The following RFX3 variants were observed in gnomAD, a reference collection of about 807,000 sequenced individuals.
RFX3 encodes regulatory factor X3, also known as transcription factor RFX3.
A neutral mutation model predicts 98.6 loss-of-function variants in RFX3; 14 were observed. The ratio of observed to expected loss-of-function variants is 0.14; its 90% confidence interval spans 0.09 to 0.22. The LOEUF (loss-of-function observed/expected upper bound fraction) is 0.22. Among genes scored for constraint, RFX3 ranks in the 10% least tolerant of loss-of-function variants. RFX3 has a pLI of 1.00. For synonymous variants in RFX3, 383 were observed against 328.4 expected (o/e 1.17, Z -1.80); for missense variants, 639 against 926.9 (o/e 0.69, Z 4.03).
chr9:3,293,352 A>T, intron 5 of RFX3, 94 bp from the exon 6 acceptor site: 1 of 882,418 alleles, frequency 1.1e-6, no homozygotes, highest in South Asian at 2.0e-5. Flanking sequence ...AAATACTTAG[A>T]AGTTCTTCAT....
chr9:3,517,364 G>C (rs1818284328), intron 1 of RFX3, among the ~76,000 whole-genome samples: 1 of 152,090 alleles, frequency 6.6e-6, no homozygotes, highest in African/African-American at 2.4e-5. Context: ...TCTTGGCCTG[G>C]TCACTCGCTG....
At chr9:3,396,143 C>A (rs532216708) in intron 1 of RFX3, among the ~76,000 whole-genome samples, 28 of 151,944 alleles carry the variant, frequency 1.8e-4, no homozygotes, top group African/African-American at 6.0e-4. Context: ...TACCCATTAA[C>A]TCGTCATTTA....
intron 9 of RFX3, 99 bp from the exon 10 acceptor site, chr9:3,271,217 C>G (rs1824386784): frequency 2.1e-6 from 2 of 963,522 alleles, no homozygotes; most frequent in African/African-American, 3.3e-5. Flanking sequence ...TCAAGTTCTC[C>G]CTTGGGGTCA....
At chr9:3,339,935 A>G (rs1833673090) in intron 3 of RFX3, among the ~76,000 whole-genome samples, 1 of 152,010 alleles carries the variant, frequency 6.6e-6, no homozygotes, top group Non-Finnish European at 1.5e-5. Flanking sequence ...AAAAGAGCCC[A>G]CATTGGCAAG....
chr9:3,302,261 A>G (rs1828753601), intron 4 of RFX3, among the ~76,000 whole-genome samples: 1 of 151,838 alleles, frequency 6.6e-6, no homozygotes, highest in African/African-American at 2.4e-5. Flanking sequence ...ATGACAGCAG[A>G]AATGGAATGA....
chr9:3,476,046 A>C (rs1443099461), intron 1 of RFX3, among the ~76,000 whole-genome samples: 1 of 151,982 alleles, frequency 6.6e-6, no homozygotes, highest in South Asian at 2.1e-4. Context: ...GTCACTTCTC[A>C]CTATGTCCCC....
At position 3,409,907 on chromosome 9, in the gene RFX3, T is replaced by C. The variant is rs139167911; in HGVS notation, c.-8-14311A>G. On this transcript the variant is annotated intron_variant, in intron 1 of 16. Coordinates refer to ENST00000617270, the MANE Select transcript of RFX3 (RefSeq NM_001282116.2). ...TTAGTATAAGATCTAGTATTAGAAC[T>C]CAAGACTCCCAATTCCCAGTCAAAA... Among the ~76,000 whole-genome samples the C allele has an allele frequency of 7.9e-5, 12 of 152,102 alleles. No homozygotes were observed. In the East Asian group the frequency reaches 2.1e-3, roughly 27 times the overall value.
At chr9:3,334,300 A>AAAG (rs34408797) in intron 3 of RFX3, among the ~76,000 whole-genome samples, 27,086 of 152,024 alleles carry the variant, frequency 0.18, 2,455 homozygotes, top group Middle Eastern at 0.22. Flanking sequence ...TTGCAATTGT[A>AAAG]AAGAAGCCAT....
At chr9:3,402,600 T>C (rs1308735342) in intron 1 of RFX3, among the ~76,000 whole-genome samples, 1 of 151,988 alleles carries the variant, frequency 6.6e-6, no homozygotes, top group Non-Finnish European at 1.5e-5. Context: ...AGGTGAAAAT[T>C]ACTATTTTTA....
chr9:3,331,996 G>A lies in RFX3; in HGVS notation c.216-1479C>T, dbSNP rs571709105. ...CTCTTGTTCTTTCTTCCACACTTCC[G>A]CTTCTCAGTAGAGGGCAGCACCACC... On this transcript the variant is annotated intron_variant, in intron 3 of 16. Transcript: ENST00000617270. 2.6e-5 allele frequency among the ~76,000 whole-genome samples: 4 copies of A among 152,066 alleles called. No homozygotes were observed. In the East Asian group the frequency reaches 7.7e-4, roughly 29 times the overall value.
chr9:3,272,332 A>G (rs114306069), intron 9 of RFX3, among the ~76,000 whole-genome samples: 3 of 152,318 alleles, frequency 2.0e-5, no homozygotes, highest in African/African-American at 7.2e-5. Context: ...TAGAGTGTCT[A>G]TAAGAGTATT....
intron 1 of RFX3, among the ~76,000 whole-genome samples, chr9:3,445,283 C>G (rs1845949405): frequency 6.6e-6 from 1 of 152,094 alleles, no homozygotes; most frequent in Non-Finnish European, 1.5e-5. Flanking sequence ...ATAATGTTTA[C>G]TATGCAATTC....
At chr9:3,508,138 T>A (rs978637962) in intron 1 of RFX3, among the ~76,000 whole-genome samples, 1 of 151,984 alleles carries the variant, frequency 6.6e-6, no homozygotes, top group Non-Finnish European at 1.5e-5. Flanking sequence ...GAGGACTCTA[T>A]TAATCTGAAT....
At chr9:3,244,519 C>G (rs115674760) in intron 15 of RFX3, among the ~76,000 whole-genome samples, 1 of 152,152 alleles carries the variant, frequency 6.6e-6, no homozygotes, top group Non-Finnish European at 1.5e-5. Flanking sequence ...CTCCCTGGTG[C>G]TTGAACGTTA....
At position 3,427,311 on chromosome 9, in the gene RFX3, C is replaced by T. The variant is rs563126764; in HGVS notation, c.-8-31715G>A. Among the ~76,000 whole-genome samples, 185 of 137,418 alleles carry T rather than the reference C, an allele frequency of 1.3e-3. 2 individuals carry two copies. The highest frequency in any genetic ancestry group is 4.5e-3 in the African/African-American group (169 of 37,256). 90.2% of individuals were successfully genotyped at this position (137,418 alleles called of 152,430 possible). A position where few individuals can be genotyped will look rare whatever the true frequency, so the allele number is the denominator to read the frequency against. ...CTATATATAAATATATATTGTATTA[C>T]ATAATAATACAATATATAAATATAT... On this transcript the variant is annotated intron_variant, in intron 1 of 16. Coordinates refer to ENST00000617270, the MANE Select transcript of RFX3 (RefSeq NM_001282116.2).
Position 3,478,411 on chromosome 9 carries a change from T to C in RFX3, c.-9+47336A>G, listed in dbSNP as rs559044470. Among the ~76,000 whole-genome samples, 648 of 144,068 alleles carry C rather than the reference T, an allele frequency of 4.5e-3. 3 individuals carry two copies. Among genetic ancestry groups the C allele is most frequent in the Non-Finnish European group, 8.0e-3 (526 of 65,760 alleles). 94.5% of individuals were successfully genotyped at this position (144,068 alleles called of 152,430 possible). A position where few individuals can be genotyped will look rare whatever the true frequency, so the allele number is the denominator to read the frequency against. ...GGCCACCGAGTTCTCTGCTAGAACTTTTTTTTTTTTTTTTTTTAGGATCTT... is the reference window on the plus strand; with the variant it reads ...GGCCACCGAGTTCTCTGCTAGAACTCTTTTTTTTTTTTTTTTTAGGATCTT... On this transcript the variant is annotated intron_variant, in intron 1 of 16. Transcript: ENST00000617270.
intron 1 of RFX3, among the ~76,000 whole-genome samples, chr9:3,498,221 C>G (rs891986612): frequency 6.6e-6 from 1 of 151,942 alleles, no homozygotes; most frequent in South Asian, 2.1e-4. Context: ...GGAATATCAC[C>G]GATACTTTTA....
intron 1 of RFX3, among the ~76,000 whole-genome samples, chr9:3,504,422 A>ATATAG (rs1485600362): frequency 7.3e-6 from 1 of 136,526 alleles, no homozygotes; most frequent in African/African-American, 2.8e-5. Context: ...ATTATATACC[A>ATATAG]CATAGTATAT....
chr9:3,275,381 C>T (rs373823224), intron 9 of RFX3, 119 bp downstream of exon 9: 47 of 545,378 alleles, frequency 8.6e-5, no homozygotes, highest in African/African-American at 3.1e-4. Flanking sequence ...CTAAAAGATA[C>T]GCTCAAAAGA....
Sources: allele counts gnomAD v4.1 joint callset (sites outside exome capture counted in the v4.1 genomes callset), GRCh38; gene constraint gnomAD v4.1.1; transcripts MANE v1.5; gene names NCBI Gene and HGNC (gene_info 2026-07-23, HGNC 2026-07-21).